The following SLC9A8 variants were observed in gnomAD, a reference collection of about 807,000 sequenced individuals.
The protein encoded by SLC9A8 is solute carrier family 9 member A8.
Under a neutral mutation model 66.6 loss-of-function variants are expected in SLC9A8, and 48 were observed. The ratio of observed to expected loss-of-function variants is 0.72; its 90% confidence interval spans 0.57 to 0.92. SLC9A8 has a LOEUF of 0.92. SLC9A8 is among the 40% of genes least tolerant of loss of function. The pLI, the probability that SLC9A8 is intolerant of heterozygous loss-of-function variation, is 0.00. For synonymous variants in SLC9A8, 274 were observed against 282.6 expected (o/e 0.97, Z 0.31); for missense variants, 599 against 747.3 (o/e 0.80, Z 2.31).
chr20:49,869,542 T>C (rs1478605966), intron 10 of SLC9A8, among the ~76,000 whole-genome samples: 2 of 148,670 alleles, frequency 1.3e-5, no homozygotes, highest in Non-Finnish European at 3.0e-5. Flanking sequence ...TTTCTTAAGA[T>C]GTTGGCATGG....
At chr20:49,887,264 G>A (rs930867211) in intron 15 of SLC9A8, among the ~76,000 whole-genome samples, 1 of 152,102 alleles carries the variant, frequency 6.6e-6, no homozygotes, top group Non-Finnish European at 1.5e-5. Flanking sequence ...TCTGTCCCTC[G>A]GGGCACTGCT....
At chr20:49,838,069 CACAA>C (rs1466524651) in intron 3 of SLC9A8, among the ~76,000 whole-genome samples, 1 of 144,702 alleles carries the variant, frequency 6.9e-6, no homozygotes, top group Non-Finnish European at 1.5e-5. Context: ...CACACACACA[CACAA>C]ACACTCACAC....
At chr20:49,877,937 T>C in intron 11 of SLC9A8, 44 bp from the exon 12 acceptor site, 1 of 1,363,850 alleles carries the variant, frequency 7.3e-7, no homozygotes, top group South Asian at 1.3e-5. Flanking sequence ...CATATTGGAA[T>C]GAAATCATTG....
At chr20:49,879,605 A>T (rs1157122187) in intron 12 of SLC9A8, among the ~76,000 whole-genome samples, 2 of 151,822 alleles carry the variant, frequency 1.3e-5, no homozygotes, top group East Asian at 3.9e-4. Flanking sequence ...CGGGTGGATC[A>T]CTTGAGGTCA....
chr20:49,840,476 T>G (rs2087716234), intron 4 of SLC9A8, among the ~76,000 whole-genome samples: 1 of 152,348 alleles, frequency 6.6e-6, no homozygotes, highest in South Asian at 2.1e-4. Flanking sequence ...GTGCTAGGAT[T>G]AATTGACCTG....
intron 3 of SLC9A8, chr20:49,830,011 G>A: frequency 1.6e-6 from 1 of 638,948 alleles, no homozygotes; most frequent in South Asian, 1.4e-5. Context: ...AGTGGATGAT[G>A]GCCGGACCAG....
chr20:49,883,708 G>A (rs895222021), intron 13 of SLC9A8, 138 bp from the exon 14 acceptor site: 2 of 665,716 alleles, frequency 3.0e-6, no homozygotes, highest in Non-Finnish European at 5.1e-6. Context: ...GCCTCACAGG[G>A]TGAGCACACA....
intron 10 of SLC9A8, among the ~76,000 whole-genome samples, chr20:49,873,664 G>C (rs1271393323): frequency 6.6e-6 from 1 of 150,900 alleles, no homozygotes; most frequent in Non-Finnish European, 1.5e-5. Flanking sequence ...CCAGCTACTT[G>C]GGAGGCCGAA....
chr20:49,851,195 T>G lies in SLC9A8; in HGVS notation c.569+351T>G, dbSNP rs545532374. Among the ~76,000 whole-genome samples the G allele has an allele frequency of 3.3e-5, 5 of 152,338 alleles. No individual in the cohort carries two copies. The South Asian group carries it at 8.3e-4, about 25-fold the overall frequency. The stretch of plus-strand genomic sequence containing the variant: ...TTTTCAGTCGCCGTAACAAAAAGTC[T>G]TCTTGACAGATTAGAGATGGAGAGG... On this transcript the variant is annotated intron_variant, in intron 7 of 15. Coordinates refer to ENST00000361573, the MANE Select transcript of SLC9A8 (RefSeq NM_015266.3).
intron 13 of SLC9A8, among the ~76,000 whole-genome samples, chr20:49,883,435 G>A (rs558623231): frequency 1.1e-4 from 17 of 152,278 alleles, no homozygotes; most frequent in African/African-American, 3.1e-4. Flanking sequence ...CAAGAGTAGC[G>A]CTGCTCGGTG....
chr20:49,859,775 G>A (rs190186157), intron 8 of SLC9A8, among the ~76,000 whole-genome samples: 1 of 152,292 alleles, frequency 6.6e-6, no homozygotes, highest in African/African-American at 2.4e-5. Flanking sequence ...AGTCACTGCT[G>A]TAGAGGAAAC....
chr20:49,851,613 G>C (rs904554543), intron 7 of SLC9A8, among the ~76,000 whole-genome samples: 3 of 152,188 alleles, frequency 2.0e-5, no homozygotes, highest in Admixed American at 6.5e-5. Flanking sequence ...TCAGGATTTA[G>C]CAGCAGTTTA....
intron 2 of SLC9A8, among the ~76,000 whole-genome samples, chr20:49,819,997 A>G (rs568318331): frequency 1.8e-4 from 28 of 152,300 alleles, no homozygotes; most frequent in African/African-American, 6.5e-4. Flanking sequence ...GCTGCTGTGA[A>G]CATTTGTGTA....
chr20:49,866,909 T>C, intron 10 of SLC9A8, among the ~76,000 whole-genome samples: 1 of 152,258 alleles, frequency 6.6e-6, no homozygotes, highest in East Asian at 1.9e-4. Context: ...AGCGTATTTC[T>C]CATTTACATA....
chr20:49,831,344 CTGTG>C (rs558866861), intron 3 of SLC9A8, among the ~76,000 whole-genome samples: 286 of 152,078 alleles, frequency 1.9e-3, no homozygotes, highest in African/African-American at 5.9e-3. Context: ...GAGGAGGTGG[CTGTG>C]TGTGCACGCA....
intron 3 of SLC9A8, among the ~76,000 whole-genome samples, chr20:49,838,384 C>G (rs1363863235): frequency 2.0e-5 from 3 of 152,196 alleles, no homozygotes; most frequent in African/African-American, 7.2e-5. Flanking sequence ...AATCCATGCT[C>G]CATGCCCTCT....
rs1457800467 is a variant in SLC9A8, at chr20:49,863,031, A to G, written c.816A>G (p.Ala272=). ...TCCTCAAAATGTTCTTTGGCTCTGC[A>G]GCGCTCGGCACTCTCACTGGCTTAA... is the stretch of plus-strand genomic sequence containing the variant. ...DYFLKMFFGS[A]ALGTLTGLIS... is the part of the protein sequence containing the mutation. Residue 272 remains alanine (A), a synonymous_variant, in exon 9 of 16, where the codon GCA becomes GCG. Transcript: ENST00000361573. 1.2e-6 allele frequency: 2 copies of G among 1,614,002 alleles called. No homozygotes were observed. Among genetic ancestry groups the G allele is most frequent in the Non-Finnish European group, 8.5e-7 (1 of 1,179,936 alleles).
At position 49,878,061 on chromosome 20, in the gene SLC9A8, A is replaced by G. The variant is rs1403697867; in HGVS notation, c.1156A>G (p.Ile386Val). Residue 386 changes from isoleucine to valine, a missense_variant and splice_region_variant, in exon 12 of 16, where the codon ATA becomes GTA. Transcript: ENST00000361573. ...TGAAATTTCCTTTGTCATCTGGTGC[A>G]TAGTAAGTATTTTCCTTTTTTTTTT... ...KFEISFVIWC[I>V]VLVLFGRAVN... 1 of 1,568,106 alleles carries G rather than the reference A, an allele frequency of 6.4e-7. No homozygotes were observed. Among genetic ancestry groups the G allele is most frequent in the South Asian group, 1.2e-5 (1 of 83,140 alleles).
At chr20:49,874,629 G>C (rs2089350411) in intron 10 of SLC9A8, 76 bp from the exon 11 acceptor site, 6 of 919,932 alleles carry the variant, frequency 6.5e-6, no homozygotes, top group Non-Finnish European at 1.1e-5. Flanking sequence ...CTAGGCCCCA[G>C]GGCCTTGCAG....
Sources: gnomAD v4.1 joint callset for allele counts (sites outside exome capture counted in the v4.1 genomes callset) on GRCh38, gnomAD v4.1.1 for gene constraint, MANE v1.5 for transcripts, NCBI Gene and HGNC (gene_info 2026-07-23, HGNC 2026-07-21) for gene names.